ZNF570: variants seen among roughly 807,000 people sequenced by gnomAD.
The protein encoded by ZNF570 is zinc finger protein 570.
Under a neutral mutation model 14.2 loss-of-function variants are expected in ZNF570, and 8 were observed. That is an observed-to-expected ratio of 0.56 (90% CI 0.33 to 1.02). ZNF570 has a LOEUF of 1.02. Among genes scored for constraint, ZNF570 ranks in the 50% least tolerant of loss-of-function variants. The pLI is 0.03. For synonymous variants in ZNF570, 202 were observed against 207.6 expected (o/e 0.97, Z 0.23); for missense variants, 559 against 624.9 (o/e 0.89, Z 1.12).
At chr19:37,477,190 A>C (rs2042035390) in intron 4 of ZNF570, among the ~76,000 whole-genome samples, 1 of 151,850 alleles carries the variant, frequency 6.6e-6, no homozygotes, top group Admixed American at 6.6e-5. Flanking sequence ...ACATTCAGTC[A>C]CAGAAGCCTT....
chr19:37,469,379 C>G lies in ZNF570; in HGVS notation c.-230C>G, dbSNP rs2041914466. 2.7e-6 allele frequency: 4 copies of G among 1,471,494 alleles called. No individual in the cohort carries two copies. 91.2% of individuals were successfully genotyped at this position (1,471,494 alleles called of 1,614,324 possible). On this transcript the variant is annotated 5_prime_UTR_variant, in exon 1 of 5. Transcript: ENST00000330173. ...GCGCTTCTTTCCGGGCCCGTAAGGG[C>G]TGGGTTCCATCCAACTAAGGGTAGC... is the stretch of plus-strand genomic sequence containing the variant.
upstream of ZNF570, chr19:37,469,333 C>A (rs571690316): frequency 2.1e-6 from 3 of 1,417,936 alleles, no homozygotes; most frequent in Non-Finnish European, 2.8e-6. Context: ...TTTGTGTCCT[C>A]CGGGGGCGGA....
chr19:37,476,421 A>G lies in ZNF570; in HGVS notation c.243A>G (p.Lys81=). 1.2e-6 allele frequency: 2 copies of G among 1,613,964 alleles called. No individual in the cohort carries two copies. Among genetic ancestry groups the G allele is most frequent in the Non-Finnish European group, 1.7e-6 (2 of 1,179,940 alleles). The change falls in exon 4 of 5, where the codon AAA becomes AAG. Residue 81 remains lysine (K), a synonymous_variant. Coordinates refer to ENST00000330173, the MANE Select transcript of ZNF570 (RefSeq NM_144694.5). ...APWMVKRELT[K]GLCSGWEPIC... ...GGATGGTGAAGAGAGAGCTGACAAAAGGCTTGTGCTCAGGTTAGTGAAGAG... is the reference window on the plus strand; with the variant it reads ...GGATGGTGAAGAGAGAGCTGACAAAGGGCTTGTGCTCAGGTTAGTGAAGAG...
In ZNF570 at chr19:37,486,236, C is replaced by T. The variant is rs974454751; in HGVS notation, c.*1003C>T. 1 of 152,048 alleles carries T rather than the reference C, an allele frequency of 6.6e-6. No homozygotes were observed. The highest frequency in any genetic ancestry group is 2.4e-5 in the African/African-American group (1 of 41,412). The allele number at this position is 152,048 out of a possible 1,614,324, so 9.4% of individuals were successfully genotyped here. A position where few individuals can be genotyped will look rare whatever the true frequency, so the allele number is the denominator to read the frequency against. On this transcript the variant is annotated 3_prime_UTR_variant, in exon 5 of 5. Transcript: ENST00000330173. Reference sequence around the variant, plus strand: ...CCAGTCTTCTTCTTTGGGCACTAGGCACTTCCCAGGACTAAGAGCTTAGAT... The same window carrying T: ...CCAGTCTTCTTCTTTGGGCACTAGGTACTTCCCAGGACTAAGAGCTTAGAT...
chr19:37,472,748 A>T (rs1274558278), intron 2 of ZNF570, among the ~76,000 whole-genome samples: 2 of 151,800 alleles, frequency 1.3e-5, no homozygotes, highest in Non-Finnish European at 2.9e-5. Context: ...GTCTCAAAAA[A>T]AAAAAAAAAA....
At chr19:37,479,113 G>T (rs747152148) in intron 4 of ZNF570, among the ~76,000 whole-genome samples, 1 of 143,302 alleles carries the variant, frequency 7.0e-6, no homozygotes, top group Admixed American at 7.0e-5. Context: ...ATTGTTAAAA[G>T]AATTTAAACT....
chr19:37,479,202 A>AT (rs532509219), intron 4 of ZNF570, among the ~76,000 whole-genome samples: 17 of 141,982 alleles, frequency 1.2e-4, no homozygotes, highest in Middle Eastern at 3.6e-3. Flanking sequence ...TTTTCTAAAT[A>AT]TTTTTAGTTT....
intron 2 of ZNF570, among the ~76,000 whole-genome samples, chr19:37,474,303 T>C (rs539559971): frequency 1.3e-5 from 2 of 152,320 alleles, no homozygotes; most frequent in East Asian, 3.8e-4. Flanking sequence ...TTTATACATT[T>C]ATTATATGTA....
At position 37,486,726 on chromosome 19, in the gene ZNF570, A is replaced by G. The variant is rs926902441; in HGVS notation, c.*1493A>G. ...TGTTATGAAGTCAGGTAGTGGAACT[A>G]TAACACTGACAGCCAGTTTTAGGAA... is the stretch of plus-strand genomic sequence containing the variant. On this transcript the variant is annotated 3_prime_UTR_variant, in exon 5 of 5. Transcript: ENST00000330173. 3 of 152,258 alleles carry G rather than the reference A, an allele frequency of 2.0e-5. No homozygotes were observed. Among genetic ancestry groups the G allele is most frequent in the East Asian group, 1.9e-4 (1 of 5,204 alleles). The allele number at this position is 152,258 out of a possible 1,614,324, so 9.4% of individuals were successfully genotyped here.
At chr19:37,480,900 G>C (rs993547017) in intron 4 of ZNF570, among the ~76,000 whole-genome samples, 5 of 151,624 alleles carry the variant, frequency 3.3e-5, no homozygotes, top group African/African-American at 1.2e-4. Flanking sequence ...AGTGAGCTGA[G>C]AACGTGCCAC....
intron 2 of ZNF570, among the ~76,000 whole-genome samples, chr19:37,472,005 C>T (rs1398991159): frequency 6.6e-6 from 1 of 150,810 alleles, no homozygotes; most frequent in Non-Finnish European, 1.5e-5. Context: ...ACCTATGCCT[C>T]TCCCTGCTTC....
rs1456502573 is a variant in ZNF570, at chr19:37,484,044, A to G, written c.422A>G (p.Asn141Ser). 1.9e-6 allele frequency: 3 copies of G among 1,614,038 alleles called. No homozygotes were observed. Among genetic ancestry groups the G allele is most frequent in the African/African-American group, 1.3e-5 (1 of 74,934 alleles). The change falls in exon 5 of 5, where the codon AAT becomes AGT. Residue 141 changes from asparagine (N) to serine (S), a missense_variant. Coordinates refer to ENST00000330173, the MANE Select transcript of ZNF570 (RefSeq NM_144694.5). ...CEGYFERQPG[N>S]QKACFKEEII... ...GGCTATTTTGAAAGGCAACCAGGTAATCAGAAGGCGTGTTTCAAGGAAGAG... is the reference window on the plus strand; with the variant it reads ...GGCTATTTTGAAAGGCAACCAGGTAGTCAGAAGGCGTGTTTCAAGGAAGAG...
intron 3 of ZNF570, 67 bp downstream of exon 3, chr19:37,476,074 A>AC: frequency 6.5e-7 from 1 of 1,538,450 alleles, no homozygotes. Flanking sequence ...ACTATTGTGA[A>AC]TTTTTGGATA....
At chr19:37,483,800 T>A in intron 4 of ZNF570, 79 bp from the exon 5 acceptor site, 2 of 1,411,214 alleles carry the variant, frequency 1.4e-6, no homozygotes, top group Non-Finnish European at 1.9e-6. Context: ...TCACATATTT[T>A]ACTTTACAGA....
At chr19:37,476,031 T>C in intron 3 of ZNF570, 24 bp downstream of exon 3, 1 of 1,581,370 alleles carries the variant, frequency 6.3e-7, no homozygotes, top group African/African-American at 1.4e-5. Context: ...CTTGCAAAAC[T>C]GAGCTTCTGC....
rs746387391 is a variant in ZNF570, at chr19:37,485,113, C to T, written c.1491C>T (p.Pro497=). 30 of 1,613,428 alleles carry T rather than the reference C, an allele frequency of 1.9e-5. No homozygotes were observed. The African/African-American group carries it at 3.6e-4, about 19-fold the overall frequency. Residue 497 remains proline (P), a synonymous_variant, in exon 5 of 5, where the codon CCC becomes CCT. Coordinates refer to ENST00000330173, the MANE Select transcript of ZNF570 (RefSeq NM_144694.5). ...QHQRIHTGER[P]YECKECKKTF... is the part of the protein sequence containing the mutation. ...AGAGAATTCATACTGGAGAGAGACC[C>T]TATGAATGTAAGGAATGCAAAAAAA... is the stretch of plus-strand genomic sequence containing the variant.
chr19:37,476,705 C>CTTTTTTTTTTTTT (rs35904468), intron 4 of ZNF570, among the ~76,000 whole-genome samples: 1 of 111,736 alleles, frequency 8.9e-6, no homozygotes, highest in African/African-American at 3.8e-5. Flanking sequence ...GTCTTATAAA[C>CTTTTTTTTTTTTT]TTTTTTTTTT....
chr19:37,468,074 T>G (rs2041879548), upstream of ZNF570: 11 of 714,088 alleles, frequency 1.5e-5, 1 homozygote, highest in Middle Eastern at 2.4e-4. Flanking sequence ...CTTTCGTGTT[T>G]TTTTTTTTTT....
intron 4 of ZNF570, among the ~76,000 whole-genome samples, chr19:37,476,872 G>T (rs948530506): frequency 3.3e-5 from 5 of 152,116 alleles, no homozygotes; most frequent in African/African-American, 1.2e-4. Flanking sequence ...ACCACGCCCA[G>T]CTAATTTTTG....
Sources: allele counts gnomAD v4.1 joint callset (sites outside exome capture counted in the v4.1 genomes callset), GRCh38; gene constraint gnomAD v4.1.1; transcripts MANE v1.5; gene names NCBI Gene and HGNC (gene_info 2026-07-23, HGNC 2026-07-21).